The following DMP1 variants were observed in gnomAD, a reference collection of about 807,000 sequenced individuals.
The protein encoded by DMP1 is dentin matrix acidic phosphoprotein 1.
DMP1 carries 20 observed loss-of-function variants against 14.6 expected under a neutral mutation model. The ratio of observed to expected loss-of-function variants is 1.37; its 90% CI spans 0.96 to 1.99. DMP1 has a LOEUF of 1.99. Among genes scored for constraint, DMP1 ranks in the 30% most tolerant of loss-of-function variants. DMP1 has a pLI of 0.00. For synonymous variants in DMP1, 197 were observed against 215.3 expected, an observed-to-expected ratio of 0.91 and a Z score of 0.75; for missense variants, 567 against 620.5, an observed-to-expected ratio of 0.91 and a Z score of 0.92.
Position 87,657,018 on chromosome 4 carries a change from A to G in DMP1, c.55-14A>G. The G allele has an allele frequency of 6.7e-7, 1 of 1,483,656 alleles. No individual in the cohort carries two copies. Among genetic ancestry groups the G allele is most frequent in the Non-Finnish European group, 9.4e-7 (1 of 1,061,458 alleles). The allele number at this position is 1,483,656 out of a possible 1,614,324, so 91.9% of individuals were successfully genotyped here. ...ATTTCTCTTTGGATTTACCATGTGT[A>G]CTAAATTTTCTAGGTAACCAGGTAT... On this transcript the variant is annotated splice_polypyrimidine_tract_variant and intron_variant, in intron 2 of 5. Transcript: ENST00000339673.
intron 2 of DMP1, 107 bp downstream of exon 2, chr4:87,656,653 A>G: frequency 1.2e-6 from 1 of 811,232 alleles, no homozygotes; most frequent in South Asian, 1.3e-5. Flanking sequence ...GTCCAGTAAA[A>G]ATAGTAGTTT....
chr4:87,659,344 C>A, intron 4 of DMP1, 87 bp from the exon 5 acceptor site: 3 of 1,591,878 alleles, frequency 1.9e-6, no homozygotes, highest in Non-Finnish European at 2.6e-6. Flanking sequence ...AGTAGTAAAT[C>A]CAGACTGGAA....
At chr4:87,655,673 T>C (rs565035673) in intron 1 of DMP1, among the ~76,000 whole-genome samples, 3 of 152,124 alleles carry the variant, frequency 2.0e-5, no homozygotes, top group African/African-American at 4.8e-5. Context: ...AGCCATTGTG[T>C]GTGTGTGTGT....
rs554234835 is a variant in DMP1, at chr4:87,662,765, G to C, written c.987G>C (p.Glu329Asp). The change falls in exon 6 of 6, where the codon GAG becomes GAC. Residue 329 changes from glutamate (E) to aspartate (D), a missense_variant. Transcript: ENST00000339673. ...EDSKENLSQE[E>D]SQNVDGPSSE... ...GCAAGGAGAATCTGTCCCAGGAAGAGAGCCAAAACGTAGATGGTCCCAGCA... is the reference window on the plus strand; with the variant it reads ...GCAAGGAGAATCTGTCCCAGGAAGACAGCCAAAACGTAGATGGTCCCAGCA... 1 of 1,613,824 alleles carries C rather than the reference G, an allele frequency of 6.2e-7. No individual in the cohort carries two copies. Among genetic ancestry groups the C allele is most frequent in the East Asian group, 2.2e-5 (1 of 44,868 alleles).
intron 3 of DMP1, 128 bp from the exon 4 acceptor site, chr4:87,659,092 T>C (rs1728780946): frequency 2.2e-6 from 2 of 913,104 alleles, no homozygotes; most frequent in Non-Finnish European, 3.5e-6. Flanking sequence ...ATTTCACTAT[T>C]ACTCATGTAA....
At chr4:87,661,741 A>G (rs901711242) in intron 5 of DMP1, among the ~76,000 whole-genome samples, 1 of 151,602 alleles carries the variant, frequency 6.6e-6, no homozygotes, top group African/African-American at 2.4e-5. Flanking sequence ...TGTTGGCAGC[A>G]TTGAGTGAAG....
At chr4:87,658,515 A>T (rs1276836548) in intron 3 of DMP1, among the ~76,000 whole-genome samples, 1 of 152,234 alleles carries the variant, frequency 6.6e-6, no homozygotes, top group Non-Finnish European at 1.5e-5. Context: ...GAAGGGTTTC[A>T]TGGCTTTCTC....
Position 87,659,242 on chromosome 4 carries a change from C to G in DMP1, c.125C>G (p.Thr42Arg). 1 of 1,614,076 alleles carries G rather than the reference C, an allele frequency of 6.2e-7. No homozygotes were observed. The highest frequency in any genetic ancestry group is 1.1e-5 in the South Asian group (1 of 91,078). ...EWKGHLAQAP[T>R]PPLESSESSE... The stretch of plus-strand genomic sequence containing the variant: ...CAGGGTCATTTGGCTCAGGCACCAA[C>G]ACCACCCTTGGTAACTATCTCATTT... The change falls in exon 4 of 6, where the codon ACA (threonine) becomes AGA (arginine). Residue 42 changes from threonine to arginine, a missense_variant. Physicochemically the swap from Thr to Arg is moderately conservative, Grantham distance 71. Transcript: ENST00000339673.
intron 5 of DMP1, 83 bp from the exon 6 acceptor site, chr4:87,661,879 C>T: frequency 1.2e-6 from 2 of 1,611,076 alleles, no homozygotes. Context: ...GCGAAGGAAG[C>T]AGAAAGACTA....
At chr4:87,658,872 T>C (rs1018327765) in intron 3 of DMP1, 1 of 297,344 alleles carries the variant, frequency 3.4e-6, no homozygotes, top group Non-Finnish European at 6.3e-6. Flanking sequence ...AGTGAGTTAA[T>C]TGAGACTTAA....
intron 1 of DMP1, among the ~76,000 whole-genome samples, chr4:87,653,412 T>A (rs982787026): frequency 8.5e-6 from 1 of 117,078 alleles, no homozygotes. Context: ...TATATATATA[T>A]ATATATATAT....
At chr4:87,654,193 G>C (rs1462663907) in intron 1 of DMP1, among the ~76,000 whole-genome samples, 2 of 152,110 alleles carry the variant, frequency 1.3e-5, no homozygotes, top group East Asian at 3.8e-4. Context: ...AAGGCCAGTT[G>C]TTACACAGAA....
chr4:87,657,276 G>C, intron 3 of DMP1, 197 bp downstream of exon 3: 1 of 476,898 alleles, frequency 2.1e-6, no homozygotes, highest in Non-Finnish European at 3.8e-6. Flanking sequence ...CATATTTTCT[G>C]TTAGCTTTCT....
At position 87,650,815 on chromosome 4, in the gene DMP1, A is replaced by AT. The variant is rs913638314; in HGVS notation, c.-22+439dup. Among the ~76,000 whole-genome samples, 14 of 152,060 alleles carry AT rather than the reference A, an allele frequency of 9.2e-5. 1 individual carries two copies. Among genetic ancestry groups the AT allele is most frequent in the East Asian group, 3.8e-4 (2 of 5,198 alleles). ...ATTGAATGGCAGGACTTTAAAAAGA[A>AT]TTTTTTTTAAATTAAAATGTTATTC... On this transcript the variant is annotated intron_variant, in intron 1 of 5. Transcript: ENST00000339673.
rs567806020 is a variant in DMP1, at chr4:87,661,398, T to C, written c.184-564T>C. Among the ~76,000 whole-genome samples the C allele has an allele frequency of 2.6e-5, 4 of 151,678 alleles. No individual in the cohort carries two copies. The South Asian group carries it at 8.3e-4, about 32-fold the overall frequency. On this transcript the variant is annotated intron_variant, in intron 5 of 5. Coordinates refer to ENST00000339673, the MANE Select transcript of DMP1 (RefSeq NM_004407.4). ...CACCTCGCCCGGCTAATTTTTTGTA[T>C]TTTTTAGTAGAGACGGGGTTTCACC...
At chr4:87,655,515 A>G (rs1728661387) in intron 1 of DMP1, among the ~76,000 whole-genome samples, 1 of 152,200 alleles carries the variant, frequency 6.6e-6, no homozygotes, top group Admixed American at 6.5e-5. Flanking sequence ...TGTATAATGT[A>G]TGACTAAACG....
chr4:87,661,650 T>TTG (rs1289682981), intron 5 of DMP1, among the ~76,000 whole-genome samples: 1 of 150,886 alleles, frequency 6.6e-6, no homozygotes, highest in Non-Finnish European at 1.5e-5. Flanking sequence ...CCCAAGAGTT[T>TTG]TTTTTTTTTT....
In DMP1 at chr4:87,664,124, A is replaced by T. The variant is rs1261089945; in HGVS notation, c.*804A>T. The T allele has an allele frequency of 6.6e-6, 1 of 152,370 alleles. No individual in the cohort carries two copies. 9.4% of individuals were successfully genotyped at this position (152,370 alleles called of 1,614,324 possible). ...ACCTTACTAATCACTGGTGATGATA[A>T]GAAGGATTGGGTCAGGAAGAGTGGG... On this transcript the variant is annotated 3_prime_UTR_variant, in exon 6 of 6. Coordinates refer to ENST00000339673, the MANE Select transcript of DMP1 (RefSeq NM_004407.4).
chr4:87,657,137 C>A, intron 3 of DMP1, 58 bp downstream of exon 3: 2 of 995,238 alleles, frequency 2.0e-6, no homozygotes, highest in Non-Finnish European at 3.1e-6. Context: ...TGAGTATAAC[C>A]AAATTGATTT....
Sources: allele counts gnomAD v4.1 joint callset (sites outside exome capture counted in the v4.1 genomes callset), GRCh38; gene constraint gnomAD v4.1.1; transcripts MANE v1.5; gene names NCBI Gene and HGNC (gene_info 2026-07-23, HGNC 2026-07-21).